Variants in MYOCOS observed in about 807,000 individuals in gnomAD.
MYOCOS encodes myocilin opposite strand protein.
intron 2 of MYOCOS, among the ~76,000 whole-genome samples, chr1:171,624,242 G>T (rs894119013): frequency 6.6e-6 from 1 of 152,048 alleles, no homozygotes; most frequent in Non-Finnish European, 1.5e-5. Context: ...AGAGAGTGGG[G>T]AGTGGGGATC....
At chr1:171,621,516 C>CA (rs1652574003), upstream of MYOCOS, among the ~76,000 whole-genome samples, 1 of 151,724 alleles carries the variant, frequency 6.6e-6, no homozygotes, top group East Asian at 2.0e-4. Flanking sequence ...GCTGGGACTA[C>CA]AGGCACCCGC....
chr1:171,616,567 C>A (rs1173294476), intron 2 of MYOCOS, among the ~76,000 whole-genome samples: 6 of 151,972 alleles, frequency 3.9e-5, no homozygotes. Context: ...ACAACAACAA[C>A]AAAACAGAGA....
upstream of MYOCOS, among the ~76,000 whole-genome samples, chr1:171,617,913 A>T (rs774453780): frequency 1.3e-5 from 2 of 152,180 alleles, no homozygotes; most frequent in African/African-American, 2.4e-5. Context: ...GAGTGCCAAT[A>T]GTTCATCTAG....
At chr1:171,606,453 G>A (rs928045673) in intron 1 of MYOCOS, among the ~76,000 whole-genome samples, 32 of 60,592 alleles carry the variant, frequency 5.3e-4, no homozygotes, top group Admixed American at 1.9e-3. Flanking sequence ...CAGGCAGCCC[G>A]GCACCAGGCC....
At chr1:171,602,896 C>A (rs1652170246) in intron 1 of MYOCOS, among the ~76,000 whole-genome samples, 1 of 152,200 alleles carries the variant, frequency 6.6e-6, no homozygotes, top group Non-Finnish European at 1.5e-5. Flanking sequence ...TACCAAGATG[C>A]AAATGCCTGG....
At chr1:171,606,594 T>C (rs1652247119) in intron 1 of MYOCOS, among the ~76,000 whole-genome samples, 1 of 152,222 alleles carries the variant, frequency 6.6e-6, no homozygotes, top group Non-Finnish European at 1.5e-5. Context: ...TTCTGTTTCA[T>C]TCTGACTACC....
chr1:171,612,062 GTTTCTTTTCT>G (rs535900839), intron 1 of MYOCOS, among the ~76,000 whole-genome samples: 8 of 151,890 alleles, frequency 5.3e-5, no homozygotes, highest in Middle Eastern at 3.4e-3. Flanking sequence ...TACCCTTTAG[GTTTCTTTTCT>G]TTTCTTTTCT....
chr1:171,617,309 A>T (rs1226242637), upstream of MYOCOS, among the ~76,000 whole-genome samples: 1 of 152,124 alleles, frequency 6.6e-6, no homozygotes, highest in Non-Finnish European at 1.5e-5. Context: ...GTAGTTATGA[A>T]CCTGACACGC....
At chr1:171,616,507 C>T (rs1450019430) in intron 2 of MYOCOS, among the ~76,000 whole-genome samples, 2 of 152,134 alleles carry the variant, frequency 1.3e-5, no homozygotes, top group South Asian at 2.1e-4. Flanking sequence ...TGCCATTGCA[C>T]TCCAGCCTGG....
At chr1:171,605,520 C>T (rs1028716319) in intron 1 of MYOCOS, among the ~76,000 whole-genome samples, 5 of 151,878 alleles carry the variant, frequency 3.3e-5, no homozygotes, top group Non-Finnish European at 7.4e-5. Flanking sequence ...CGGCCCCCAC[C>T]AGGTTATATT....
upstream of MYOCOS, among the ~76,000 whole-genome samples, chr1:171,618,089 G>A (rs1652483781): frequency 6.6e-6 from 1 of 152,256 alleles, no homozygotes; most frequent in East Asian, 1.9e-4. Flanking sequence ...TCTAGGCCTA[G>A]GATGAGCACA....
intron 2 of MYOCOS, among the ~76,000 whole-genome samples, chr1:171,624,699 G>A (rs746453514): frequency 1.3e-5 from 2 of 151,922 alleles, no homozygotes; most frequent in Admixed American, 6.6e-5. Flanking sequence ...TGCCCGCCTC[G>A]GCCTCCCAAA....
At chr1:171,615,672 C>T (rs529808096) in intron 2 of MYOCOS, among the ~76,000 whole-genome samples, 4 of 152,202 alleles carry the variant, frequency 2.6e-5, no homozygotes, top group Admixed American at 2.6e-4. Context: ...TTCTGTTTCT[C>T]TCTGACCACC....
At chr1:171,614,749 G>A (rs981787502) in intron 1 of MYOCOS, 1 of 152,216 alleles carries the variant, frequency 6.6e-6, no homozygotes. Flanking sequence ...GTTGAGATAC[G>A]GCAGTGAACG....
At chr1:171,603,102 T>C (rs1490475611) in intron 1 of MYOCOS, among the ~76,000 whole-genome samples, 1 of 152,222 alleles carries the variant, frequency 6.6e-6, no homozygotes, top group African/African-American at 2.4e-5. Flanking sequence ...CTCTCTGCTA[T>C]ATCCCGAAGT....
chr1:171,608,285 T>C (rs577659714), intron 1 of MYOCOS, among the ~76,000 whole-genome samples: 36 of 152,064 alleles, frequency 2.4e-4, no homozygotes, highest in Non-Finnish European at 4.1e-4. Context: ...TAAAATTGGA[T>C]TGGCAGAGGG....
chr1:171,608,517 A>G (rs1376360345), intron 1 of MYOCOS, among the ~76,000 whole-genome samples: 1 of 139,736 alleles, frequency 7.2e-6, no homozygotes, highest in East Asian at 2.1e-4. Context: ...TCCCGAGTTC[A>G]CACCATTCTC....
intron 1 of MYOCOS, among the ~76,000 whole-genome samples, chr1:171,614,236 C>A (rs2102935629): frequency 6.6e-6 from 1 of 152,304 alleles, no homozygotes; most frequent in South Asian, 2.1e-4. Context: ...ATTCCTCTAT[C>A]CCCTACTGAT....
upstream of MYOCOS, among the ~76,000 whole-genome samples, chr1:171,620,683 A>T (rs1652545251): frequency 6.6e-6 from 1 of 151,946 alleles, no homozygotes; most frequent in Admixed American, 6.6e-5. Context: ...AAAATTTTAA[A>T]TTCACCTGTA....
Sources: allele counts gnomAD v4.1 joint callset (sites outside exome capture counted in the v4.1 genomes callset), GRCh38; gene constraint gnomAD v4.1.1; transcripts MANE v1.5; gene names NCBI Gene and HGNC (gene_info 2026-07-23, HGNC 2026-07-21).